Variants in LRRC4C observed in about 807,000 individuals in gnomAD.
LRRC4C encodes the protein leucine rich repeat containing 4C.
A neutral mutation model predicts 33.6 loss-of-function variants in LRRC4C; 5 were observed. The ratio of observed to expected loss-of-function variants is 0.15; its 90% CI spans 0.08 to 0.31. The LOEUF is 0.31. LRRC4C is among the 10% of genes least tolerant of loss of function. LRRC4C has a pLI of 1.00. For missense variants in LRRC4C, 560 were observed against 796.7 expected (o/e 0.70, Z 3.58); for synonymous variants, 329 against 302.0 (o/e 1.09, Z -0.93).
At chr11:40,484,723 T>A (rs1055426013) in intron 3 of LRRC4C, among the ~76,000 whole-genome samples, 1 of 152,088 alleles carries the variant, frequency 6.6e-6, no homozygotes. Context: ...AAATTTCTAA[T>A]GTATCAATGG....
chr11:40,408,939 T>C (rs778179143), intron 3 of LRRC4C, among the ~76,000 whole-genome samples: 2 of 151,870 alleles, frequency 1.3e-5, no homozygotes, highest in Non-Finnish European at 2.9e-5. Flanking sequence ...CAAAAGACTC[T>C]GAATAGCCAA....
At chr11:40,449,292 GT>G (rs1951783770) in intron 3 of LRRC4C, among the ~76,000 whole-genome samples, 2 of 148,038 alleles carry the variant, frequency 1.4e-5, no homozygotes, top group Admixed American at 1.4e-4. Context: ...TTGTTTTTTG[GT>G]TTCTTTTTGC....
chr11:40,905,308 G>A (rs958832858), intron 2 of LRRC4C, among the ~76,000 whole-genome samples: 2 of 151,832 alleles, frequency 1.3e-5, no homozygotes, highest in African/African-American at 2.4e-5. Context: ...TCCACTCCCA[G>A]TTTCACGTGT....
chr11:41,165,168 G>T (rs1565442584), intron 1 of LRRC4C, among the ~76,000 whole-genome samples: 1 of 151,936 alleles, frequency 6.6e-6, no homozygotes, highest in African/African-American at 2.4e-5. Flanking sequence ...AATCGCGATG[G>T]CCCCCTGGTC....
intron 3 of LRRC4C, among the ~76,000 whole-genome samples, chr11:40,596,533 A>G (rs1959322482): frequency 6.6e-6 from 1 of 151,996 alleles, no homozygotes; most frequent in African/African-American, 2.4e-5. Flanking sequence ...TTTTGCTACA[A>G]AATACTAGAT....
intron 2 of LRRC4C, among the ~76,000 whole-genome samples, chr11:40,895,349 AT>A (rs34630703): frequency 0.87 from 132,195 of 151,912 alleles, 58,008 homozygotes; most frequent in Non-Finnish European, 0.93. Flanking sequence ...CCCTCACTAA[AT>A]TTTTATCTAA....
At chr11:41,081,714 T>C (rs1011778196) in intron 1 of LRRC4C, among the ~76,000 whole-genome samples, 12 of 152,112 alleles carry the variant, frequency 7.9e-5, no homozygotes, top group Non-Finnish European at 1.6e-4. Flanking sequence ...TATAAATGTT[T>C]ATACACACAC....
intron 3 of LRRC4C, among the ~76,000 whole-genome samples, chr11:40,622,704 G>C (rs1962568948): frequency 6.6e-6 from 1 of 151,892 alleles, no homozygotes; most frequent in South Asian, 2.1e-4. Context: ...GAGTGGAAAA[G>C]AGCATGGAGT....
At chr11:40,363,525 T>C (rs577409272) in intron 3 of LRRC4C, among the ~76,000 whole-genome samples, 1 of 152,148 alleles carries the variant, frequency 6.6e-6, no homozygotes, top group East Asian at 1.9e-4. Context: ...CACGTTTATC[T>C]ATGTAACAAA....
At chr11:41,100,483 C>T (rs533158285) in intron 1 of LRRC4C, among the ~76,000 whole-genome samples, 3 of 151,976 alleles carry the variant, frequency 2.0e-5, no homozygotes, top group Non-Finnish European at 4.4e-5. Context: ...AGAAGAATTG[C>T]TTGAACTCAT....
chr11:40,223,961 GTTTTC>G (rs1347449389), intron 5 of LRRC4C, among the ~76,000 whole-genome samples: 3 of 152,130 alleles, frequency 2.0e-5, no homozygotes, highest in Admixed American at 6.6e-5. Flanking sequence ...CATTTTAAGT[GTTTTC>G]TTTATTTAGA....
At chr11:41,445,865 CATGTGT>C (rs1283189414) in intron 1 of LRRC4C, among the ~76,000 whole-genome samples, 3 of 135,450 alleles carry the variant, frequency 2.2e-5, no homozygotes, top group African/African-American at 8.2e-5. Context: ...TGAGTGACTG[CATGTGT>C]GTGTGTGTGT....
intron 2 of LRRC4C, among the ~76,000 whole-genome samples, chr11:40,706,752 A>T (rs1946187065): frequency 6.6e-6 from 1 of 152,106 alleles, no homozygotes; most frequent in African/African-American, 2.4e-5. Context: ...GAAGAAAGTC[A>T]TTGGTAGCTT....
chr11:40,959,528 T>C (rs1186328159), intron 1 of LRRC4C, among the ~76,000 whole-genome samples: 1 of 151,748 alleles, frequency 6.6e-6, no homozygotes, highest in East Asian at 1.9e-4. Flanking sequence ...AAACCATCAA[T>C]ATATTAATTT....
rs578060111 is a variant in LRRC4C at position 40,393,306 on chromosome 11, C to T, written c.-269-73585G>A. ...TTGAACTAATGCTTTCATTACAAAT[C>T]ATTTTAGATAAGATTTAGGTAGTTA... On this transcript the variant is annotated intron_variant, in intron 3 of 6. Transcript: ENST00000528697. Among the ~76,000 whole-genome samples, 6 of 152,216 alleles carry T rather than the reference C, an allele frequency of 3.9e-5. No homozygotes were observed. The South Asian group carries it at 1.2e-3, about 32-fold the overall frequency.
intron 3 of LRRC4C, among the ~76,000 whole-genome samples, chr11:40,453,084 T>G (rs1951965096): frequency 6.6e-6 from 1 of 151,982 alleles, no homozygotes. Context: ...TAATGTTAAA[T>G]GACGAGTTAA....
At chr11:40,873,042 C>G (rs568763933) in intron 2 of LRRC4C, among the ~76,000 whole-genome samples, 3 of 152,134 alleles carry the variant, frequency 2.0e-5, no homozygotes, top group South Asian at 2.1e-4. Flanking sequence ...ACTGCAGAGA[C>G]TAGATAGTAT....
intron 1 of LRRC4C, among the ~76,000 whole-genome samples, chr11:41,284,024 T>C (rs983896631): frequency 3.3e-5 from 5 of 152,166 alleles, no homozygotes; most frequent in African/African-American, 9.7e-5. Flanking sequence ...TGTACTGACA[T>C]AAAAACTCAA....
intron 2 of LRRC4C, among the ~76,000 whole-genome samples, chr11:40,878,553 T>C (rs538475920): frequency 3.3e-5 from 5 of 152,264 alleles, no homozygotes; most frequent in Middle Eastern, 3.4e-3. Context: ...TTATCTGACA[T>C]GAGGTGGAGC....
Sources: gnomAD v4.1 joint callset for allele counts (sites outside exome capture counted in the v4.1 genomes callset) on GRCh38, gnomAD v4.1.1 for gene constraint, MANE v1.5 for transcripts, NCBI Gene and HGNC (gene_info 2026-07-23, HGNC 2026-07-21) for gene names.